The following COL9A1 variants were observed in gnomAD, a reference collection of about 807,000 sequenced individuals.
COL9A1 encodes the protein collagen type IX alpha 1 chain.
COL9A1 carries 104 observed loss-of-function variants against 142.6 expected under a neutral mutation model. The observed-to-expected ratio is 0.73, with a 90% CI of 0.62 to 0.86. The LOEUF is 0.86. Among genes scored for constraint, COL9A1 ranks in the 40% least tolerant of loss-of-function variants. The pLI is 0.00. For synonymous variants in COL9A1, 466 were observed against 396.0 expected, an observed-to-expected ratio of 1.18 and a Z score of -2.10; for missense variants, 1,210 against 1,176.6, an observed-to-expected ratio of 1.03 and a Z score of -0.42.
intron 10 of COL9A1, 80 bp downstream of exon 10, chr6:70,280,729 CCCT>C: frequency 1.4e-6 from 2 of 1,441,414 alleles, no homozygotes; most frequent in African/African-American, 1.5e-5. Flanking sequence ...TTCTCTCTCT[CCCT>C]CCCCCCCCAC....
chr6:70,220,761 A>C (rs1768833435), intron 37 of COL9A1, among the ~76,000 whole-genome samples: 1 of 152,248 alleles, frequency 6.6e-6, no homozygotes, highest in African/African-American at 2.4e-5. Context: ...TTAGCCCAGC[A>C]GCTACATTCA....
At chr6:70,263,832 C>CT (rs1771849035) in intron 18 of COL9A1, among the ~76,000 whole-genome samples, 1 of 151,782 alleles carries the variant, frequency 6.6e-6, no homozygotes, top group Non-Finnish European at 1.5e-5. Flanking sequence ...GTTATACCTC[C>CT]TGATGTCACT....
chr6:70,301,284 A>G (rs182703802), intron 2 of COL9A1, among the ~76,000 whole-genome samples: 2 of 152,188 alleles, frequency 1.3e-5, no homozygotes, highest in East Asian at 1.9e-4. Flanking sequence ...TTATTCAGTT[A>G]CAAAGCATAG....
At chr6:70,280,665 T>G in intron 10 of COL9A1, 147 bp downstream of exon 10, 1 of 1,284,490 alleles carries the variant, frequency 7.8e-7, no homozygotes, top group Non-Finnish European at 1.1e-6. Flanking sequence ...CCACGATCAA[T>G]CAGGCGCTGG....
chr6:70,223,371 G>A (rs1317677391), intron 37 of COL9A1, among the ~76,000 whole-genome samples: 2 of 152,186 alleles, frequency 1.3e-5, no homozygotes, highest in Non-Finnish European at 2.9e-5. Flanking sequence ...TCAGAGAGAT[G>A]TTCTTGTTAT....
At chr6:70,232,041 G>C (rs1171331213) in intron 36 of COL9A1, among the ~76,000 whole-genome samples, 3 of 150,776 alleles carry the variant, frequency 2.0e-5, no homozygotes, top group Non-Finnish European at 4.4e-5. Flanking sequence ...ACTAAAGAAG[G>C]AATTAGATTG....
intron 4 of COL9A1, among the ~76,000 whole-genome samples, chr6:70,299,626 G>T (rs1167314636): frequency 2.0e-5 from 3 of 152,124 alleles, no homozygotes; most frequent in African/African-American, 4.8e-5. Context: ...AGCAGTGGAC[G>T]TGTGGCTCCA....
chr6:70,236,031 T>C (rs1769885328), intron 33 of COL9A1, among the ~76,000 whole-genome samples: 1 of 138,700 alleles, frequency 7.2e-6, no homozygotes, highest in Non-Finnish European at 1.5e-5. Flanking sequence ...GAGAAAGCCA[T>C]GAACCCAGGA....
intron 28 of COL9A1, among the ~76,000 whole-genome samples, chr6:70,248,841 G>A (rs138809109): frequency 8.6e-4 from 131 of 152,274 alleles, no homozygotes; most frequent in African/African-American, 3.0e-3. Context: ...CAGTTACCAC[G>A]GCATGGGGTA....
downstream of COL9A1, chr6:70,215,642 A>G (rs922821672): frequency 1.1e-4 from 17 of 152,236 alleles, no homozygotes; most frequent in African/African-American, 3.6e-4. Flanking sequence ...TTAAGAATAC[A>G]GTGCTTTAGC....
At chr6:70,271,039 T>G (rs144533364) in intron 14 of COL9A1, among the ~76,000 whole-genome samples, 5 of 152,240 alleles carry the variant, frequency 3.3e-5, no homozygotes, top group African/African-American at 1.2e-4. Context: ...CATTTCATAT[T>G]CATTCACTTG....
intron 20 of COL9A1, among the ~76,000 whole-genome samples, chr6:70,258,239 G>A (rs900586644): frequency 3.3e-5 from 5 of 152,012 alleles, no homozygotes; most frequent in African/African-American, 1.2e-4. Context: ...GAATAAAAAG[G>A]CATAATGAGG....
intron 11 of COL9A1, 84 bp from the exon 12 acceptor site, chr6:70,274,166 TA>T: frequency 9.1e-7 from 1 of 1,102,428 alleles, no homozygotes; most frequent in Non-Finnish European, 1.3e-6. Flanking sequence ...TTGAAAGCAT[TA>T]AAACACCCCA....
chr6:70,235,075 CA>C (rs1769820776), intron 33 of COL9A1, 135 bp from the exon 34 acceptor site: 2 of 1,092,622 alleles, frequency 1.8e-6, no homozygotes, highest in Non-Finnish European at 2.7e-6. Flanking sequence ...TCAGAGGTTA[CA>C]AAACCTTCAC....
Position 70,252,164 on chromosome 6 carries a change from C to A in COL9A1, c.1828G>T (p.Gly610Trp). The A allele has an allele frequency of 1.2e-6, 2 of 1,614,116 alleles. No individual in the cohort carries two copies. Among genetic ancestry groups the A allele is most frequent in the African/African-American group, 1.3e-5 (1 of 75,042 alleles). Residue 610 changes from glycine (G) to tryptophan (W), a missense_variant, in exon 28 of 38, where the codon GGG (glycine) becomes TGG (tryptophan). Coordinates refer to ENST00000357250, the MANE Select transcript of COL9A1 (RefSeq NM_001851.6). ...MGNSGKPGQQ[G>W]PPGEVGPRGP... ...CGGGGTCCCACCTCTCCTGGAGGCCCCTGTTGGCCCTGTTATCAGGAAGGA... is the reference window on the plus strand; with the variant it reads ...CGGGGTCCCACCTCTCCTGGAGGCCACTGTTGGCCCTGTTATCAGGAAGGA...
At chr6:70,229,074 C>A (rs1009700115) in intron 36 of COL9A1, among the ~76,000 whole-genome samples, 3 of 152,098 alleles carry the variant, frequency 2.0e-5, no homozygotes, top group Non-Finnish European at 4.4e-5. Context: ...TAGCATGAAG[C>A]CACACCAACT....
chr6:70,232,116 A>C (rs1769587025), intron 36 of COL9A1, among the ~76,000 whole-genome samples: 1 of 152,236 alleles, frequency 6.6e-6, no homozygotes, highest in Non-Finnish European at 1.5e-5. Flanking sequence ...TAAAAGAGGG[A>C]GGCAGCTCTA....
intron 36 of COL9A1, among the ~76,000 whole-genome samples, chr6:70,228,813 G>A (rs1312894552): frequency 6.6e-6 from 1 of 152,074 alleles, no homozygotes; most frequent in Non-Finnish European, 1.5e-5. Flanking sequence ...ACATAAGCTA[G>A]TTTTTTTAAC....
At chr6:70,238,537 C>G (rs1770048424) in intron 33 of COL9A1, among the ~76,000 whole-genome samples, 1 of 152,148 alleles carries the variant, frequency 6.6e-6, no homozygotes, top group Non-Finnish European at 1.5e-5. Flanking sequence ...TAGAACACAT[C>G]AGAGATTAAG....
Sources: allele counts gnomAD v4.1 joint callset (sites outside exome capture counted in the v4.1 genomes callset), GRCh38; gene constraint gnomAD v4.1.1; transcripts MANE v1.5; gene names NCBI Gene and HGNC (gene_info 2026-07-23, HGNC 2026-07-21).